The following ACKR3 variants were observed in gnomAD, a reference collection of about 807,000 sequenced individuals.
The protein encoded by ACKR3 is atypical chemokine receptor 3, also known as C-X-C chemokine receptor type 7.
A neutral mutation model predicts 22.4 loss-of-function variants in ACKR3; 6 were observed. The observed-to-expected ratio is 0.27, with a 90% CI of 0.15 to 0.53. The LOEUF is 0.53. ACKR3 is among the 20% of genes least tolerant of loss of function. The pLI is 0.96. For synonymous variants in ACKR3, 209 were observed against 205.2 expected (o/e 1.02, Z -0.16); for missense variants, 396 against 475.2 (o/e 0.83, Z 1.55).
chr2:236,581,097 G>T lies in ACKR3; in HGVS notation c.632G>T (p.Gly211Val), dbSNP rs1691519298. Residue 211 changes from glycine to valine, a missense_variant, in exon 2 of 2, where the codon GGC (glycine) becomes GTC (valine). By Grantham distance (109) the Gly-to-Val change is moderately radical. Transcript: ENST00000272928. The surrounding 1 kb of genome is among the most constrained non-coding windows in gnomAD (Gnocchi z 4.4). ...CACAGCATCAAGGAGTGGCTGATCG[G>T]CATGGAGCTGGTCTCCGTTGTCTTG... ...PEHSIKEWLI[G>V]MELVSVVLGF... 1.2e-6 allele frequency: 2 copies of T among 1,614,170 alleles called. No individual in the cohort carries two copies. Among genetic ancestry groups the T allele is most frequent in the Non-Finnish European group, 1.7e-6 (2 of 1,180,024 alleles).
chr2:236,576,286 T>C (rs1691410751), intron 1 of ACKR3, among the ~76,000 whole-genome samples: 1 of 152,218 alleles, frequency 6.6e-6, no homozygotes, highest in Admixed American at 6.5e-5. Flanking sequence ...TGAGAGGCAT[T>C]AAGAATGTAT....
At chr2:236,538,755 A>G in the ACKR3 span, among the ~76,000 whole-genome samples, 5 of 152,210 alleles carry the variant, frequency 3.3e-5, no homozygotes, top group African/African-American at 1.2e-4. Context: ...ATGAACAAGG[A>G]ATAGTTTTTC....
At chr2:236,579,974 C>T (rs1013699395) in intron 1 of ACKR3, among the ~76,000 whole-genome samples, 1 of 152,236 alleles carries the variant, frequency 6.6e-6, no homozygotes, top group Non-Finnish European at 1.5e-5. Flanking sequence ...AAGCAGGACA[C>T]TTGTAATACA....
chr2:236,573,031 G>A (rs955167521), intron 1 of ACKR3, among the ~76,000 whole-genome samples: 16 of 152,334 alleles, frequency 1.1e-4, no homozygotes, highest in African/African-American at 3.8e-4. Context: ...TTTGCTGGCA[G>A]CAGAGGGGAC....
At chr2:236,557,121 A>C in the ACKR3 span, among the ~76,000 whole-genome samples, 7 of 152,354 alleles carry the variant, frequency 4.6e-5, no homozygotes, top group African/African-American at 1.7e-4. Flanking sequence ...GTCTCTCACT[A>C]TGGAGAAAGG....
chr2:236,539,030 C>G, the ACKR3 span, among the ~76,000 whole-genome samples: 1 of 152,262 alleles, frequency 6.6e-6, no homozygotes, highest in Non-Finnish European at 1.5e-5. Flanking sequence ...AGTATGCCTT[C>G]TTTTGTGTCT....
rs539221064 is a variant in ACKR3 at position 236,576,550 on chromosome 2, T to C, written c.-26-3890T>C. On this transcript the variant is annotated intron_variant, in intron 1 of 1. Transcript: ENST00000272928. The stretch of plus-strand genomic sequence containing the variant: ...TTGCTCTATGAAGCTTTTGTTCCTA[T>C]CAGGGATTCTGAGAGTGTCACTTAT... Among the ~76,000 whole-genome samples, 3 of 152,348 alleles carry C rather than the reference T, an allele frequency of 2.0e-5. No homozygotes were observed. In the South Asian group the frequency reaches 6.2e-4, roughly 32 times the overall value.
At chr2:236,553,849 T>C in the ACKR3 span, among the ~76,000 whole-genome samples, 1 of 152,392 alleles carries the variant, frequency 6.6e-6, no homozygotes. Context: ...AAATGTTTTC[T>C]TTGGTAATGT....
intron 1 of ACKR3, among the ~76,000 whole-genome samples, chr2:236,571,100 AG>A (rs761741698): frequency 6.6e-5 from 10 of 152,240 alleles, no homozygotes; most frequent in African/African-American, 1.2e-4. Flanking sequence ...TAGCAAAGAA[AG>A]TGGAGGCTGC....
At chr2:236,573,880 T>G (rs1691356366) in intron 1 of ACKR3, among the ~76,000 whole-genome samples, 1 of 152,192 alleles carries the variant, frequency 6.6e-6, no homozygotes, top group Non-Finnish European at 1.5e-5. Flanking sequence ...GGCCCAACTC[T>G]TACCTCCATT....
the ACKR3 span, among the ~76,000 whole-genome samples, chr2:236,550,188 C>T: frequency 6.6e-6 from 1 of 152,228 alleles, no homozygotes; most frequent in Admixed American, 6.5e-5. The surrounding 1 kb of genome is among the most constrained non-coding windows in gnomAD (Gnocchi z 4.6). Flanking sequence ...GGCCATTCTG[C>T]ACAGTGAAGG....
intron 1 of ACKR3, 93 bp from the exon 2 acceptor site, chr2:236,580,347 G>A: frequency 7.3e-7 from 1 of 1,372,552 alleles, no homozygotes; most frequent in Non-Finnish European, 9.9e-7. Context: ...GCCTATCAGG[G>A]CCTTGGAAAA....
At chr2:236,572,106 A>C (rs1691322574) in intron 1 of ACKR3, among the ~76,000 whole-genome samples, 1 of 152,210 alleles carries the variant, frequency 6.6e-6, no homozygotes, top group Non-Finnish European at 1.5e-5. Context: ...AGCAAGCCAG[A>C]AATAGACAGA....
chr2:236,579,254 C>T (rs1382130568), intron 1 of ACKR3, among the ~76,000 whole-genome samples: 4 of 152,170 alleles, frequency 2.6e-5, no homozygotes, highest in Non-Finnish European at 4.4e-5. Flanking sequence ...TAAATGAACT[C>T]GGTAAATAAT....
chr2:236,559,009 G>A, the ACKR3 span, among the ~76,000 whole-genome samples: 4 of 152,158 alleles, frequency 2.6e-5, no homozygotes, highest in African/African-American at 4.8e-5. Flanking sequence ...ATTGATGTTT[G>A]AGGAGTGTGA....
chr2:236,557,960 T>C, the ACKR3 span, among the ~76,000 whole-genome samples: 1 of 152,164 alleles, frequency 6.6e-6, no homozygotes, highest in Non-Finnish European at 1.5e-5. Context: ...TTCAGATGTG[T>C]CCAGGTTATG....
the ACKR3 span, among the ~76,000 whole-genome samples, chr2:236,544,513 G>C: frequency 6.6e-6 from 1 of 152,210 alleles, no homozygotes; most frequent in Non-Finnish European, 1.5e-5. The surrounding 1 kb of genome is among the most constrained non-coding windows in gnomAD (Gnocchi z 5.0). Flanking sequence ...GGGCTGGGGG[G>C]CTGCTGTGCG....
At chr2:236,543,691 G>A in the ACKR3 span, among the ~76,000 whole-genome samples, 1 of 151,932 alleles carries the variant, frequency 6.6e-6, no homozygotes, top group African/African-American at 2.4e-5. Context: ...TTTTAATGGA[G>A]TCACTACGCT....
chr2:236,574,080 G>A lies in ACKR3; in HGVS notation c.-27+4156G>A, dbSNP rs138106280. ...CATGCCTGGGGGGTGATGGGCCTGC[G>A]TGCCTTCCCAATTAGCCGGCGGGGT... On this transcript the variant is annotated intron_variant, in intron 1 of 1. Coordinates refer to ENST00000272928, the MANE Select transcript of ACKR3 (RefSeq NM_020311.3). This position sits in a 1 kb window ranked among gnomAD's most constrained non-coding sequence, Gnocchi z 5.6. Among the ~76,000 whole-genome samples the A allele has an allele frequency of 2.4e-3, 365 of 151,924 alleles. 2 individuals are homozygous for A. The highest frequency in any genetic ancestry group is 0.017 in the Middle Eastern group (5 of 294).
Sources: allele counts gnomAD v4.1 joint callset (sites outside exome capture counted in the v4.1 genomes callset), GRCh38; gene constraint gnomAD v4.1.1; non-coding constraint Gnocchi (gnomAD v3.1); transcripts MANE v1.5; gene names NCBI Gene and HGNC (gene_info 2026-07-23, HGNC 2026-07-21).